Variants in SLC25A21 observed in about 807,000 individuals in gnomAD.
The protein encoded by SLC25A21 is solute carrier family 25 member 21.
SLC25A21 carries 47 observed loss-of-function variants against 43.8 expected under a neutral mutation model. The observed-to-expected ratio is 1.07, with a 90% CI of 0.85 to 1.37. The LOEUF is 1.37. Ranked by LOEUF, SLC25A21 falls within the 40% of genes most tolerant of loss-of-function variation. SLC25A21 has a pLI of 0.00. For synonymous variants in SLC25A21, 131 were observed against 121.3 expected, an observed-to-expected ratio of 1.08 and a Z score of -0.52; for missense variants, 352 against 350.2, an observed-to-expected ratio of 1.00 and a Z score of -0.04.
intron 1 of SLC25A21, among the ~76,000 whole-genome samples, chr14:36,916,560 A>C (rs1891838256): frequency 6.6e-6 from 1 of 152,206 alleles, no homozygotes; most frequent in Admixed American, 6.6e-5. Flanking sequence ...AAACACATGA[A>C]AAGATGCTAT....
chr14:36,865,201 G>A (rs1260185511), intron 2 of SLC25A21, among the ~76,000 whole-genome samples: 1 of 151,778 alleles, frequency 6.6e-6, no homozygotes, highest in African/African-American at 2.4e-5. Flanking sequence ...ATACTTCACA[G>A]ACCCTGGCTT....
intron 1 of SLC25A21, among the ~76,000 whole-genome samples, chr14:36,934,036 G>C (rs1191237825): frequency 2.0e-5 from 3 of 152,154 alleles, no homozygotes; most frequent in African/African-American, 7.2e-5. Context: ...TTCAGTCAGA[G>C]TGGATAAAAG....
chr14:37,170,763 CA>C (rs1056356393), intron 1 of SLC25A21, among the ~76,000 whole-genome samples: 154 of 140,516 alleles, frequency 1.1e-3, no homozygotes, highest in African/African-American at 1.7e-3. Context: ...CCTGACTCTA[CA>C]AAAAAAAAAA....
In SLC25A21 at chr14:36,755,154, T is replaced by C. The variant is rs562268200; in HGVS notation, c.204-20581A>G. Among the ~76,000 whole-genome samples the C allele has an allele frequency of 2.6e-5, 4 of 152,342 alleles. 1 individual carries two copies. The South Asian group carries it at 8.3e-4, about 32-fold the overall frequency. On this transcript the variant is annotated intron_variant, in intron 3 of 9. Coordinates refer to ENST00000331299, the MANE Select transcript of SLC25A21 (RefSeq NM_030631.4). ...TAGTCTAAAACCACACTCCCATTTA[T>C]ATTAAATAATAATGAATGAGGACAA...
chr14:36,761,350 C>G (rs1488953091), intron 3 of SLC25A21, among the ~76,000 whole-genome samples: 7 of 152,234 alleles, frequency 4.6e-5, no homozygotes, highest in Non-Finnish European at 1.0e-4. Flanking sequence ...CTTCAGGCCA[C>G]TTCCTCGAAG....
chr14:36,972,754 T>C (rs895158275), intron 1 of SLC25A21, among the ~76,000 whole-genome samples: 3 of 152,170 alleles, frequency 2.0e-5, no homozygotes, highest in Non-Finnish European at 4.4e-5. Context: ...ATATAGGGTA[T>C]AGAGAGTGGC....
At chr14:37,088,326 A>G (rs535499645) in intron 1 of SLC25A21, among the ~76,000 whole-genome samples, 4 of 152,328 alleles carry the variant, frequency 2.6e-5, no homozygotes, top group Admixed American at 2.6e-4. Flanking sequence ...GTAGAGGAAC[A>G]AGACACCTAA....
intron 9 of SLC25A21, among the ~76,000 whole-genome samples, chr14:36,683,463 G>A (rs935848201): frequency 6.6e-6 from 1 of 152,198 alleles, no homozygotes; most frequent in South Asian, 2.1e-4. Flanking sequence ...TTAGGAGCAC[G>A]AGGAAACGTT....
At chr14:36,776,480 C>T (rs1294361899) in intron 3 of SLC25A21, among the ~76,000 whole-genome samples, 2 of 151,744 alleles carry the variant, frequency 1.3e-5, no homozygotes, top group African/African-American at 2.4e-5. Flanking sequence ...GCTCGTGATC[C>T]ACCCGCCTCG....
At chr14:37,112,214 C>T (rs2138878819) in intron 1 of SLC25A21, among the ~76,000 whole-genome samples, 1 of 151,880 alleles carries the variant, frequency 6.6e-6, no homozygotes, top group South Asian at 2.1e-4. Context: ...AACATTTAAC[C>T]TATAGTTAAC....
chr14:36,753,955 GAGAGAA>G (rs1463858229), intron 3 of SLC25A21, among the ~76,000 whole-genome samples: 7 of 149,656 alleles, frequency 4.7e-5, no homozygotes, highest in African/African-American at 7.5e-5. Flanking sequence ...GAGAGAGAGA[GAGAGAA>G]AGAGAGAGAA....
chr14:36,884,617 C>T (rs1177379499), intron 1 of SLC25A21, among the ~76,000 whole-genome samples: 2 of 152,118 alleles, frequency 1.3e-5, no homozygotes, highest in Non-Finnish European at 2.9e-5. Flanking sequence ...GTTCCCTTTT[C>T]TCCACAACCT....
chr14:36,957,146 A>G (rs1358963867), intron 1 of SLC25A21, among the ~76,000 whole-genome samples: 1 of 152,214 alleles, frequency 6.6e-6, no homozygotes, highest in Non-Finnish European at 1.5e-5. Flanking sequence ...TTAGAGACAC[A>G]GGTTACTCTT....
At chr14:36,718,973 C>T (rs184664144) in intron 6 of SLC25A21, among the ~76,000 whole-genome samples, 14 of 152,038 alleles carry the variant, frequency 9.2e-5, no homozygotes, top group African/African-American at 2.9e-4. Context: ...TCATATGTAA[C>T]GTAGATAAAA....
At chr14:36,688,560 A>G (rs1044150446) in intron 7 of SLC25A21, among the ~76,000 whole-genome samples, 2 of 152,208 alleles carry the variant, frequency 1.3e-5, no homozygotes, top group Admixed American at 6.5e-5. Flanking sequence ...CCCAGGCAGC[A>G]TCAGGACGGC....
chr14:36,938,265 C>A (rs916217553), intron 1 of SLC25A21, among the ~76,000 whole-genome samples: 1 of 152,130 alleles, frequency 6.6e-6, no homozygotes, highest in African/African-American at 2.4e-5. Flanking sequence ...CGTATGGTAA[C>A]AAATCAACTC....
intron 1 of SLC25A21, among the ~76,000 whole-genome samples, chr14:37,118,469 G>A (rs562435557): frequency 3.0e-4 from 45 of 152,184 alleles, no homozygotes; most frequent in African/African-American, 7.7e-4. Flanking sequence ...ATAAAACTCC[G>A]CTCTCCTGTT....
At chr14:37,110,972 TATC>T (rs1360606226) in intron 1 of SLC25A21, among the ~76,000 whole-genome samples, 2 of 151,962 alleles carry the variant, frequency 1.3e-5, no homozygotes, top group African/African-American at 2.4e-5. Flanking sequence ...AAATCACAGA[TATC>T]ATAATGCTAT....
intron 8 of SLC25A21, among the ~76,000 whole-genome samples, chr14:36,684,335 T>C (rs1430681675): frequency 2.0e-5 from 3 of 152,128 alleles, no homozygotes; most frequent in Non-Finnish European, 4.4e-5. Context: ...ATCAGAAAAA[T>C]GCACATACTT....
Sources: allele counts gnomAD v4.1 joint callset (sites outside exome capture counted in the v4.1 genomes callset), GRCh38; gene constraint gnomAD v4.1.1; transcripts MANE v1.5; gene names NCBI Gene and HGNC (gene_info 2026-07-23, HGNC 2026-07-21).